The following CACNA1E variants were observed in gnomAD, a reference collection of about 807,000 sequenced individuals.
The protein encoded by CACNA1E is calcium voltage-gated channel subunit alpha1 E.
Under a neutral mutation model 259.2 loss-of-function variants are expected in CACNA1E, and 40 were observed. The observed-to-expected ratio is 0.15, with a 90% CI of 0.12 to 0.20. CACNA1E has a LOEUF of 0.20. CACNA1E is among the 10% of genes least tolerant of loss of function. The pLI, the probability that CACNA1E is intolerant of heterozygous loss-of-function variation, is 1.00. For synonymous variants in CACNA1E, 1,104 were observed against 1,138.5 expected, an observed-to-expected ratio of 0.97 and a Z score of 0.61; for missense variants, 1,874 against 3,040.1, an observed-to-expected ratio of 0.62 and a Z score of 9.02.
chr1:181,352,540 C>T (rs542321470), intron 1 of CACNA1E, among the ~76,000 whole-genome samples: 1 of 152,292 alleles, frequency 6.6e-6, no homozygotes, highest in African/African-American at 2.4e-5. Context: ...TATTGAATTT[C>T]TCTTTATTAT....
intron 6 of CACNA1E, among the ~76,000 whole-genome samples, chr1:181,609,484 G>A (rs1209803476): frequency 6.6e-6 from 1 of 152,138 alleles, no homozygotes; most frequent in Non-Finnish European, 1.5e-5. Flanking sequence ...CAAGTATGGG[G>A]AAGGATTGGG....
chr1:181,560,493 C>T (rs777118821), intron 3 of CACNA1E, among the ~76,000 whole-genome samples: 7 of 151,952 alleles, frequency 4.6e-5, no homozygotes, highest in Non-Finnish European at 1.0e-4. Context: ...CTATATGATG[C>T]CTTTTCCATT....
chr1:181,454,149 A>C (rs1393109789), intron 2 of CACNA1E, among the ~76,000 whole-genome samples: 3 of 152,272 alleles, frequency 2.0e-5, no homozygotes, highest in South Asian at 2.1e-4. Flanking sequence ...CAAGGGCTTC[A>C]TGGTGGGATC....
chr1:181,584,195 T>C (rs1651828931), intron 6 of CACNA1E, among the ~76,000 whole-genome samples: 1 of 152,262 alleles, frequency 6.6e-6, no homozygotes, highest in African/African-American at 2.4e-5. Context: ...CTGTCTGCAG[T>C]TACTCACATC....
chr1:181,472,701 C>T (rs894836487), intron 2 of CACNA1E, among the ~76,000 whole-genome samples: 2 of 152,138 alleles, frequency 1.3e-5, no homozygotes, highest in African/African-American at 4.8e-5. Flanking sequence ...TGACTGTCTT[C>T]AGGTTTTAGA....
At chr1:181,350,563 A>G (rs1034824406) in intron 1 of CACNA1E, among the ~76,000 whole-genome samples, 4 of 152,142 alleles carry the variant, frequency 2.6e-5, no homozygotes, top group Non-Finnish European at 5.9e-5. Flanking sequence ...CCCAGGACTG[A>G]GACAACGTTA....
At position 181,798,326 on chromosome 1, in the gene CACNA1E, C is replaced by T. The variant is rs189356042; in HGVS notation, c.6434C>T (p.Ser2145Phe). The change falls in exon 48 of 48, where the codon TCT becomes TTT. Residue 2145 changes from serine to phenylalanine, a missense_variant. Physicochemically the swap from Ser to Phe is radical, Grantham distance 155. Transcript: ENST00000367573. This position sits in a 1 kb window ranked among gnomAD's most constrained non-coding sequence, Gnocchi z 4.2. ...TGSLSESSIP[S>F]VSDTSTPRRS... ...TCCCTAAGTGAGAGCTCCATCCCCTCTGTCTCTGACACCAGCACCCCAAGA... is the reference window on the plus strand; with the variant it reads ...TCCCTAAGTGAGAGCTCCATCCCCTTTGTCTCTGACACCAGCACCCCAAGA... 9 of 1,604,642 alleles carry T rather than the reference C, an allele frequency of 5.6e-6. No homozygotes were observed. The African/African-American group carries it at 9.3e-5, about 17-fold the overall frequency.
intron 47 of CACNA1E, among the ~76,000 whole-genome samples, chr1:181,797,711 A>C (rs1348339133): frequency 6.6e-6 from 1 of 152,204 alleles, no homozygotes; most frequent in Non-Finnish European, 1.5e-5. Context: ...TTACTTCCCA[A>C]AACCTGGGCT....
intron 6 of CACNA1E, among the ~76,000 whole-genome samples, chr1:181,620,333 T>G (rs1043286051): frequency 1.3e-5 from 2 of 152,174 alleles, no homozygotes; most frequent in African/African-American, 4.8e-5. Context: ...ACATCCTGAT[T>G]GCTATTATAG....
At chr1:181,361,279 G>A (rs1653868609) in intron 1 of CACNA1E, among the ~76,000 whole-genome samples, 1 of 152,170 alleles carries the variant, frequency 6.6e-6, no homozygotes, top group Non-Finnish European at 1.5e-5. Context: ...GACTCAATGA[G>A]GGAAGGACAG....
chr1:181,470,140 A>G (rs1246458361), intron 2 of CACNA1E, among the ~76,000 whole-genome samples: 2 of 152,020 alleles, frequency 1.3e-5, no homozygotes, highest in East Asian at 3.9e-4. Context: ...CACACAAGTG[A>G]GCGTGAGCGA....
At chr1:181,356,808 G>A (rs1653478561) in intron 1 of CACNA1E, among the ~76,000 whole-genome samples, 1 of 152,144 alleles carries the variant, frequency 6.6e-6, no homozygotes, top group East Asian at 1.9e-4. Context: ...GTGCAGGGAG[G>A]TTAGCTTCTC....
chr1:181,595,194 G>T (rs1653037917), intron 6 of CACNA1E, among the ~76,000 whole-genome samples: 1 of 152,168 alleles, frequency 6.6e-6, no homozygotes, highest in Admixed American at 6.5e-5. Context: ...AGGTGAAGCA[G>T]AAAAGAAAGG....
intron 1 of CACNA1E, among the ~76,000 whole-genome samples, chr1:181,400,423 G>C (rs1003995522): frequency 6.6e-6 from 1 of 152,084 alleles, no homozygotes; most frequent in African/African-American, 2.4e-5. Flanking sequence ...AGACCCTCTG[G>C]GGAGGCTGCA....
At chr1:181,442,497 G>A (rs1660564100) in intron 2 of CACNA1E, among the ~76,000 whole-genome samples, 2 of 152,250 alleles carry the variant, frequency 1.3e-5, no homozygotes, top group East Asian at 3.9e-4. Flanking sequence ...AGGACACAGA[G>A]CTTCATCTTT....
chr1:181,399,180 T>G, intron 1 of CACNA1E, among the ~76,000 whole-genome samples: 1 of 151,740 alleles, frequency 6.6e-6, no homozygotes, highest in African/African-American at 2.4e-5. Flanking sequence ...GCAGGAAAGT[T>G]ACAATTAGCT....
chr1:181,620,458 A>T (rs895472226), intron 6 of CACNA1E, among the ~76,000 whole-genome samples: 1 of 152,300 alleles, frequency 6.6e-6, no homozygotes, highest in African/African-American at 2.4e-5. Context: ...TTTTCTTGTG[A>T]TACATTCACC....
At chr1:181,517,646 C>T (rs570583468) in intron 3 of CACNA1E, among the ~76,000 whole-genome samples, 1 of 151,832 alleles carries the variant, frequency 6.6e-6, no homozygotes, top group South Asian at 2.1e-4. Flanking sequence ...GAGAGGAGAG[C>T]CAGGGAGTGC....
chr1:181,319,222 A>C (rs1650159207), intron 1 of CACNA1E, among the ~76,000 whole-genome samples: 1 of 152,184 alleles, frequency 6.6e-6, no homozygotes, highest in Non-Finnish European at 1.5e-5. Flanking sequence ...TGTGTCATAG[A>C]GGAAAGGCTG....
Sources: gnomAD v4.1 joint callset for allele counts (sites outside exome capture counted in the v4.1 genomes callset) on GRCh38, gnomAD v4.1.1 for gene constraint, Gnocchi (gnomAD v3.1) non-coding constraint, MANE v1.5 for transcripts, NCBI Gene and HGNC (gene_info 2026-07-23, HGNC 2026-07-21) for gene names.